The following FMN1 variants were observed in gnomAD, a reference collection of about 807,000 sequenced individuals.
The protein encoded by FMN1 is formin-1.
A neutral mutation model predicts 132.4 loss-of-function variants in FMN1; 110 were observed. The observed-to-expected ratio is 0.83, with a 90% confidence interval of 0.71 to 0.97. FMN1 has a LOEUF of 0.97. FMN1 is among the 50% of genes least tolerant of loss of function. The probability of loss-of-function intolerance (pLI) is 0.00; values close to 1 mark genes in which losing one functional copy is unlikely to be tolerated. For synonymous variants in FMN1, 722 were observed against 651.7 expected, an observed-to-expected ratio of 1.11 and a Z score of -1.64; for missense variants, 1,792 against 1,705.3, an observed-to-expected ratio of 1.05 and a Z score of -0.90.
At chr15:32,909,903 A>C (rs1320072276) in intron 11 of FMN1, among the ~76,000 whole-genome samples, 1 of 152,158 alleles carries the variant, frequency 6.6e-6, no homozygotes, top group Admixed American at 6.5e-5. Flanking sequence ...ATCAGAGCCT[A>C]CTATAATCCC....
At chr15:32,839,214 T>C (rs1447786451) in intron 17 of FMN1, among the ~76,000 whole-genome samples, 2 of 152,138 alleles carry the variant, frequency 1.3e-5, no homozygotes, top group African/African-American at 4.8e-5. Context: ...TACCGCTTTC[T>C]GCACCCTGCC....
chr15:32,983,484 A>C (rs2032842154), intron 7 of FMN1, among the ~76,000 whole-genome samples: 1 of 152,220 alleles, frequency 6.6e-6, no homozygotes, highest in South Asian at 2.1e-4. Context: ...GTACACTTAG[A>C]ACAGCAATTT....
Position 33,153,358 on chromosome 15 carries a change from A to C in FMN1, c.1557T>G (p.Pro519=). 1 of 1,536,428 alleles carries C rather than the reference A, an allele frequency of 6.5e-7. No individual in the cohort carries two copies. Among genetic ancestry groups the C allele is most frequent in the Non-Finnish European group, 8.7e-7 (1 of 1,146,956 alleles). ...GCCTTGGAGACAGAGGCGAGGGAAC[A>C]GGTGACGTCTGTTTGTGTGTGCTGG... The part of the protein sequence containing the change: ...SQSSTHKQTS[P]VPSPLSPRLP... Residue 519 remains proline, a synonymous_variant, in exon 4 of 21, where the codon CCT becomes CCG. Transcript: ENST00000616417.
At chr15:32,818,143 TTTAG>T (rs1595998842) in intron 17 of FMN1, among the ~76,000 whole-genome samples, 1 of 152,188 alleles carries the variant, frequency 6.6e-6, no homozygotes, top group African/African-American at 2.4e-5. Context: ...TCATTTGTGC[TTTAG>T]TTATATAGTT....
chr15:33,023,071 A>AAG (rs1566837589), intron 6 of FMN1, among the ~76,000 whole-genome samples: 1 of 72,962 alleles, frequency 1.4e-5, no homozygotes, highest in Non-Finnish European at 3.2e-5. Flanking sequence ...AAAAAAAAAA[A>AAG]AAAAAAGAAA....
At chr15:32,861,211 G>A (rs1196232463) in intron 16 of FMN1, among the ~76,000 whole-genome samples, 1 of 152,040 alleles carries the variant, frequency 6.6e-6, no homozygotes, top group Non-Finnish European at 1.5e-5. Flanking sequence ...GGATATAATC[G>A]AACGCCTGAC....
chr15:32,980,364 A>G lies in FMN1; in HGVS notation c.2224-10887T>C, dbSNP rs560500166. Among the ~76,000 whole-genome samples, 7 of 151,958 alleles carry G rather than the reference A, an allele frequency of 4.6e-5. No homozygotes were observed. In the South Asian group the frequency reaches 1.2e-3, roughly 27 times the overall value. On this transcript the variant is annotated intron_variant, in intron 7 of 20. Transcript: ENST00000616417. ...TCACAGCACTTGGCTTTAGCTCTGC[A>G]TAAGGCTGCTATGTAACCTTAAACT...
At chr15:32,986,103 T>TG (rs2140815280) in intron 7 of FMN1, among the ~76,000 whole-genome samples, 1 of 152,246 alleles carries the variant, frequency 6.6e-6, no homozygotes, top group East Asian at 1.9e-4. Flanking sequence ...TTATTCTTTG[T>TG]GGTGGCAAGG....
At chr15:33,013,347 C>A (rs2140971557) in intron 6 of FMN1, among the ~76,000 whole-genome samples, 1 of 152,266 alleles carries the variant, frequency 6.6e-6, no homozygotes, top group African/African-American at 2.4e-5. Context: ...TGTCTGCACC[C>A]ATGCTATCAA....
chr15:32,966,669 T>G (rs564261226), intron 8 of FMN1, among the ~76,000 whole-genome samples: 4 of 152,266 alleles, frequency 2.6e-5, no homozygotes, highest in African/African-American at 9.6e-5. Flanking sequence ...AAAAGCAATT[T>G]AGGTAGATGA....
chr15:33,088,374 G>C (rs1481577366), intron 5 of FMN1, among the ~76,000 whole-genome samples: 1 of 152,166 alleles, frequency 6.6e-6, no homozygotes, highest in Admixed American at 6.5e-5. Context: ...TGGAGAGAAA[G>C]GTTCATGAAT....
rs1292172723 is a variant in FMN1 at position 32,999,157 on chromosome 15, T to C, written c.2223+8857A>G. The stretch of plus-strand genomic sequence containing the variant: ...ACTTAGGGGAATACCATAAGGGTTT[T>C]ATGAAATCATCACATTTCATACTTG... On this transcript the variant is annotated intron_variant, in intron 7 of 20. Coordinates refer to ENST00000616417, the MANE Select transcript of FMN1 (RefSeq NM_001277313.2). 5.3e-5 allele frequency among the ~76,000 whole-genome samples: 8 copies of C among 152,376 alleles called. No homozygotes were observed. In the East Asian group the frequency reaches 1.5e-3, roughly 29 times the overall value.
At chr15:32,800,618 G>C (rs1264116809) in intron 18 of FMN1, among the ~76,000 whole-genome samples, 2 of 152,208 alleles carry the variant, frequency 1.3e-5, no homozygotes, top group Admixed American at 1.3e-4. Flanking sequence ...CTTTAGAATG[G>C]GAAGGAATTT....
chr15:32,844,952 T>A (rs1455126310), intron 17 of FMN1, among the ~76,000 whole-genome samples: 2 of 152,314 alleles, frequency 1.3e-5, no homozygotes, highest in South Asian at 4.1e-4. Flanking sequence ...TAAGGCCAAA[T>A]GAACTCAGCA....
At chr15:33,079,163 A>G (rs114448887) in intron 5 of FMN1, among the ~76,000 whole-genome samples, 3,919 of 152,308 alleles carry the variant, frequency 0.026, 180 homozygotes, top group African/African-American at 0.09. Context: ...ATATACCCTC[A>G]AAAGTCCAAA....
At chr15:32,867,702 G>A (rs557672376) in intron 16 of FMN1, among the ~76,000 whole-genome samples, 25 of 152,082 alleles carry the variant, frequency 1.6e-4, no homozygotes, top group Middle Eastern at 3.4e-3. Flanking sequence ...CATGTTAGCC[G>A]GGATGGTCTC....
chr15:32,825,627 T>G (rs2058345555), intron 17 of FMN1, among the ~76,000 whole-genome samples: 2 of 152,250 alleles, frequency 1.3e-5, no homozygotes, highest in African/African-American at 2.4e-5. Flanking sequence ...TCTCTTGCGC[T>G]TGCTAATTAT....
chr15:32,995,722 TA>T (rs2033728038), intron 7 of FMN1, among the ~76,000 whole-genome samples: 1 of 152,214 alleles, frequency 6.6e-6, no homozygotes, highest in African/African-American at 2.4e-5. Context: ...TACATGAAAT[TA>T]TAGTTTAGAA....
intron 7 of FMN1, among the ~76,000 whole-genome samples, chr15:32,976,164 G>C (rs2032186434): frequency 1.3e-5 from 2 of 152,172 alleles, no homozygotes; most frequent in African/African-American, 4.8e-5. Context: ...AAGTCAGTCA[G>C]TCTTTTCCAG....
Sources: allele counts gnomAD v4.1 joint callset (sites outside exome capture counted in the v4.1 genomes callset), GRCh38; gene constraint gnomAD v4.1.1; transcripts MANE v1.5; gene names NCBI Gene and HGNC (gene_info 2026-07-23, HGNC 2026-07-21).